Variants in KCNJ6 observed in about 807,000 individuals in gnomAD.
The protein encoded by KCNJ6 is potassium inwardly rectifying channel subfamily J member 6.
Under a neutral mutation model 34.2 loss-of-function variants are expected in KCNJ6, and 9 were observed. That is an observed-to-expected ratio of 0.26 (90% confidence interval 0.16 to 0.46). KCNJ6 has a LOEUF of 0.46. Among genes scored for constraint, KCNJ6 ranks in the 20% least tolerant of loss-of-function variants. The pLI is 1.00. For missense variants in KCNJ6, 236 were observed against 531.3 expected (o/e 0.44, Z 5.46); for synonymous variants, 196 against 207.1 (o/e 0.95, Z 0.46).
chr21:37,654,008 C>T (rs1345842407), intron 3 of KCNJ6, among the ~76,000 whole-genome samples: 1 of 151,894 alleles, frequency 6.6e-6, no homozygotes, highest in Non-Finnish European at 1.5e-5. Flanking sequence ...GTTCTGGAAC[C>T]AGCCTGGAGA....
Position 37,758,660 on chromosome 21 carries a change from C to A in KCNJ6, c.26-43529G>T, listed in dbSNP as rs549550948. Among the ~76,000 whole-genome samples, 147 of 152,026 alleles carry A rather than the reference C, an allele frequency of 9.7e-4. 1 individual carries two copies. Among genetic ancestry groups the A allele is most frequent in the African/African-American group, 3.3e-3 (138 of 41,440 alleles). On this transcript the variant is annotated intron_variant, in intron 2 of 3. Coordinates refer to ENST00000609713, the MANE Select transcript of KCNJ6 (RefSeq NM_002240.5). ...AGCAATAGAGATTTTTTTTTTGAGA[C>A]AGGGTCTGGCTATGTTGCCCAGGCT...
chr21:37,697,755 C>T (rs542453844), intron 3 of KCNJ6, among the ~76,000 whole-genome samples: 38 of 152,228 alleles, frequency 2.5e-4, no homozygotes, highest in African/African-American at 9.2e-4. Context: ...AGACAGTGTT[C>T]CACAATCGCC....
intron 1 of KCNJ6, among the ~76,000 whole-genome samples, chr21:37,860,085 C>T (rs1048970612): frequency 7.9e-5 from 12 of 152,132 alleles, no homozygotes; most frequent in Non-Finnish European, 1.2e-4. Flanking sequence ...ACAGGTCACC[C>T]GGTGCAATGG....
chr21:37,828,890 C>G (rs1204532153), intron 2 of KCNJ6, among the ~76,000 whole-genome samples: 1 of 152,212 alleles, frequency 6.6e-6, no homozygotes, highest in Non-Finnish European at 1.5e-5. Context: ...TCCAGCTTTT[C>G]TCTTGGCCAC....
chr21:37,867,228 C>T (rs1298528629), intron 1 of KCNJ6, among the ~76,000 whole-genome samples: 3 of 152,006 alleles, frequency 2.0e-5, no homozygotes, highest in Admixed American at 6.6e-5. Context: ...CATGATTTTA[C>T]GCTATTTAAA....
intron 2 of KCNJ6, among the ~76,000 whole-genome samples, chr21:37,777,949 C>T (rs1461446347): frequency 6.6e-6 from 1 of 152,194 alleles, no homozygotes; most frequent in Non-Finnish European, 1.5e-5. Flanking sequence ...GAGCCCAGGA[C>T]ATCCTTCTTT....
rs2123616105 is a variant in KCNJ6, at chr21:37,874,381, A to G, written c.-27-33672T>C. Reference sequence around the variant, plus strand: ...CTCTATCCTCATTCTCATTTTCAATACCCAGTGGCCAGATTTATTATCTCC... The same window carrying G: ...CTCTATCCTCATTCTCATTTTCAATGCCCAGTGGCCAGATTTATTATCTCC... On this transcript the variant is annotated intron_variant, in intron 1 of 3. Coordinates refer to ENST00000609713, the MANE Select transcript of KCNJ6 (RefSeq NM_002240.5). 1.3e-5 allele frequency among the ~76,000 whole-genome samples: 2 copies of G among 152,294 alleles called. 1 individual carries two copies. The highest frequency in any genetic ancestry group is 4.1e-4 in the South Asian group (2 of 4,826).
At chr21:37,740,223 C>T (rs2054933711) in intron 2 of KCNJ6, among the ~76,000 whole-genome samples, 1 of 152,200 alleles carries the variant, frequency 6.6e-6, no homozygotes, top group South Asian at 2.1e-4. Flanking sequence ...ACCTGAGAGA[C>T]TGGTTCAGGC....
intron 1 of KCNJ6, among the ~76,000 whole-genome samples, chr21:37,894,709 G>A (rs1330611529): frequency 2.6e-5 from 4 of 152,042 alleles, no homozygotes; most frequent in Admixed American, 2.0e-4. Context: ...GCTCCCTCAT[G>A]CAGCATTAAC....
At position 37,661,614 on chromosome 21, in the gene KCNJ6, G is replaced by GTTC. The variant is rs766622814; in HGVS notation, c.947-36131_947-36130insGAA. Among the ~76,000 whole-genome samples, 80 of 71,196 alleles carry GTTC rather than the reference G, an allele frequency of 1.1e-3. 16 individuals are homozygous for GTTC. Among genetic ancestry groups the GTTC allele is most frequent in the Middle Eastern group, 0.021 (2 of 96 alleles). The allele number at this position is 71,196 out of a possible 152,430, so 46.7% of individuals were successfully genotyped here. A position where few individuals can be genotyped will look rare whatever the true frequency, so the allele number is the denominator to read the frequency against. Reference sequence around the variant, plus strand: ...TCCACCCATTTCCTTAAGAGACATAGTTTTTTTTTTTTTTTTTTTTTTTTT... The same window carrying GTTC: ...TCCACCCATTTCCTTAAGAGACATAGTTCTTTTTTTTTTTTTTTTTTTTTTTTT... On this transcript the variant is annotated intron_variant, in intron 3 of 3. Coordinates refer to ENST00000609713, the MANE Select transcript of KCNJ6 (RefSeq NM_002240.5).
chr21:37,749,289 C>T (rs538070023), intron 2 of KCNJ6, among the ~76,000 whole-genome samples: 62 of 152,214 alleles, frequency 4.1e-4, no homozygotes, highest in Non-Finnish European at 6.2e-4. Flanking sequence ...GGTGTTTGCC[C>T]GTAGCACAGC....
chr21:37,816,730 T>C (rs1391139384), intron 2 of KCNJ6, among the ~76,000 whole-genome samples: 1 of 152,068 alleles, frequency 6.6e-6, no homozygotes, highest in Non-Finnish European at 1.5e-5. Flanking sequence ...TGAGTGTGGA[T>C]GGTGGGGATG....
In KCNJ6 at chr21:37,625,234, C is replaced by T; in HGVS notation, c.1197G>A (p.Glu399=). 6.2e-7 allele frequency: 1 copy of T among 1,614,190 alleles called. No individual in the cohort carries two copies. Among genetic ancestry groups the T allele is most frequent in the Non-Finnish European group, 8.5e-7 (1 of 1,180,034 alleles). The change falls in exon 4 of 4, where the codon GAG becomes GAA. Residue 399 remains glutamate, a synonymous_variant. Transcript: ENST00000609713. ...LNQHAELETE[E]EEKNLEEQTE... ...TTTGCTCTTCGAGGTTCTTTTCTTCCTCTTCAGTCTCCAGTTCTGCATGTT... is the reference window on the plus strand; with the variant it reads ...TTTGCTCTTCGAGGTTCTTTTCTTCTTCTTCAGTCTCCAGTTCTGCATGTT...
At chr21:37,819,905 C>T (rs923683236) in intron 2 of KCNJ6, among the ~76,000 whole-genome samples, 5 of 151,996 alleles carry the variant, frequency 3.3e-5, no homozygotes, top group African/African-American at 9.7e-5. Context: ...CTGCCTCAGC[C>T]TCCTGAGTAG....
At chr21:37,815,442 G>A (rs2055342161) in intron 2 of KCNJ6, among the ~76,000 whole-genome samples, 1 of 152,240 alleles carries the variant, frequency 6.6e-6, no homozygotes, top group Non-Finnish European at 1.5e-5. Flanking sequence ...AAGCCTTGGG[G>A]AGGGGGAGAA....
At chr21:37,827,928 G>A (rs373871377) in intron 2 of KCNJ6, among the ~76,000 whole-genome samples, 15 of 152,164 alleles carry the variant, frequency 9.9e-5, no homozygotes, top group African/African-American at 3.4e-4. Context: ...GGTATGATCA[G>A]TGGCAGAAAC....
At chr21:37,795,723 A>G (rs1402748607) in intron 2 of KCNJ6, among the ~76,000 whole-genome samples, 1 of 150,978 alleles carries the variant, frequency 6.6e-6, no homozygotes, top group Non-Finnish European at 1.5e-5. Flanking sequence ...AACAAGAGGG[A>G]AACTCCGTCT....
chr21:37,639,318 T>A (rs751536527), intron 3 of KCNJ6, among the ~76,000 whole-genome samples: 17 of 152,252 alleles, frequency 1.1e-4, no homozygotes, highest in Non-Finnish European at 2.4e-4. Context: ...GCCCTTTTGA[T>A]ACCAACAACT....
intron 1 of KCNJ6, among the ~76,000 whole-genome samples, chr21:37,859,262 G>T (rs2055580540): frequency 6.6e-6 from 1 of 151,540 alleles, no homozygotes; most frequent in Non-Finnish European, 1.5e-5. Flanking sequence ...ATATGGTAGT[G>T]TTCCACTTAT....
Sources: gnomAD v4.1 joint callset for allele counts (sites outside exome capture counted in the v4.1 genomes callset) on GRCh38, gnomAD v4.1.1 for gene constraint, MANE v1.5 for transcripts, NCBI Gene and HGNC (gene_info 2026-07-23, HGNC 2026-07-21) for gene names.